WIPF2: variants seen among roughly 807,000 people sequenced by gnomAD.
The protein encoded by WIPF2 is WAS/WASL-interacting protein family member 2.
A neutral mutation model predicts 38.8 loss-of-function variants in WIPF2; 23 were observed. The ratio of observed to expected loss-of-function variants is 0.59; its 90% CI spans 0.43 to 0.84. The LOEUF (loss-of-function observed/expected upper bound fraction) is 0.84. Ranked by LOEUF, WIPF2 falls within the 40% of genes least tolerant of loss-of-function variation. The pLI, the probability that WIPF2 is intolerant of heterozygous loss-of-function variation, is 0.00. For synonymous variants in WIPF2, 210 were observed against 223.2 expected (o/e 0.94, Z 0.53); for missense variants, 574 against 580.5 (o/e 0.99, Z 0.11).
chr17:40,259,246 A>G (rs1159268769), intron 2 of WIPF2, among the ~76,000 whole-genome samples: 1 of 151,370 alleles, frequency 6.6e-6, no homozygotes, highest in Non-Finnish European at 1.5e-5. Context: ...GTGGTAGCAG[A>G]TGCAGCTGGA....
chr17:40,221,563 A>G (rs956665263), intron 1 of WIPF2, among the ~76,000 whole-genome samples: 4 of 151,430 alleles, frequency 2.6e-5, no homozygotes, highest in Non-Finnish European at 4.4e-5. Context: ...GCAATACCCC[A>G]TCTCTCTCTC....
intron 1 of WIPF2, among the ~76,000 whole-genome samples, chr17:40,233,605 C>T (rs747541678): frequency 2.6e-5 from 4 of 152,006 alleles, no homozygotes; most frequent in Non-Finnish European, 5.9e-5. Context: ...CACCGCTGCA[C>T]CTGGCTATAC....
intron 7 of WIPF2, among the ~76,000 whole-genome samples, chr17:40,277,489 A>G (rs997462203): frequency 6.6e-6 from 1 of 151,932 alleles, no homozygotes; most frequent in Non-Finnish European, 1.5e-5. Context: ...AGACCATCCT[A>G]GCTAACACGG....
At chr17:40,231,233 T>A (rs1181615907) in intron 1 of WIPF2, among the ~76,000 whole-genome samples, 1 of 152,128 alleles carries the variant, frequency 6.6e-6, no homozygotes, top group Non-Finnish European at 1.5e-5. Flanking sequence ...CACAGATTTG[T>A]TATTAGATTA....
chr17:40,270,882 TTG>T (rs373553389), intron 5 of WIPF2, among the ~76,000 whole-genome samples: 18 of 150,324 alleles, frequency 1.2e-4, no homozygotes, highest in South Asian at 2.1e-4. Flanking sequence ...TTGTGCCAGA[TTG>T]TGTGTGTGTG....
rs566828911 is a variant in WIPF2, at chr17:40,273,056, T to C, written c.971-734T>C. Among the ~76,000 whole-genome samples, 120 of 152,252 alleles carry C rather than the reference T, an allele frequency of 7.9e-4. 1 individual carries two copies. Among genetic ancestry groups the C allele is most frequent in the South Asian group, 5.4e-3 (26 of 4,824 alleles). On this transcript the variant is annotated intron_variant, in intron 5 of 7. Transcript: ENST00000323571. ...TTTTTACTTATTTATGTATTTGAGA[T>C]GGAGTCTCTCTCTGTTGCCCAGGCT...
In WIPF2 at chr17:40,260,581, G is replaced by A. The variant is rs1311231086; in HGVS notation, c.110G>A (p.Arg37Gln). Residue 37 changes from arginine (R) to glutamine (Q), a missense_variant, in exon 3 of 8, where the codon CGA becomes CAA. Arg to Gln is a conservative substitution (Grantham distance 43). Transcript: ENST00000323571. ...CTGAGTAGAGATGAGCAGCGGGGTC[G>A]AGGCGCCCTCTTACAGGACATTTGC... ...PKLSRDEQRG[R>Q]GALLQDICKG... 3.7e-6 allele frequency: 6 copies of A among 1,613,810 alleles called. No individual in the cohort carries two copies. Among genetic ancestry groups the A allele is most frequent in the East Asian group, 2.2e-5 (1 of 44,842 alleles).
At chr17:40,227,924 T>G (rs888546643) in intron 1 of WIPF2, among the ~76,000 whole-genome samples, 2 of 142,390 alleles carry the variant, frequency 1.4e-5, no homozygotes, top group South Asian at 4.3e-4. Context: ...ATATTTCTTG[T>G]TTTTTTTTTT....
chr17:40,238,151 C>G (rs1037973713), intron 1 of WIPF2, among the ~76,000 whole-genome samples: 2 of 151,904 alleles, frequency 1.3e-5, no homozygotes, highest in African/African-American at 4.8e-5. Context: ...GCCACCACCC[C>G]TGTCTCCAAG....
At position 40,278,313 on chromosome 17, in the gene WIPF2, G is replaced by C. The variant is rs2032470654; in HGVS notation, c.*88G>C. The C allele has an allele frequency of 6.7e-7, 1 of 1,486,976 alleles. No homozygotes were observed. The highest frequency in any genetic ancestry group is 1.9e-4 in the Middle Eastern group (1 of 5,374). The allele number at this position is 1,486,976 out of a possible 1,614,324, so 92.1% of individuals were successfully genotyped here. A position where few individuals can be genotyped will look rare whatever the true frequency, so the allele number is the denominator to read the frequency against. On this transcript the variant is annotated 3_prime_UTR_variant, in exon 8 of 8. Transcript: ENST00000323571. ...TTCCATTCCCCTGAAACCTGCATGAGAGCTCCTAACATGTTTCTCCAATGC... is the reference window on the plus strand; with the variant it reads ...TTCCATTCCCCTGAAACCTGCATGACAGCTCCTAACATGTTTCTCCAATGC...
intron 2 of WIPF2, among the ~76,000 whole-genome samples, chr17:40,256,929 G>A (rs2031746155): frequency 6.6e-6 from 1 of 152,116 alleles, no homozygotes. Context: ...ACTATTTGCT[G>A]TATAAAAGTT....
intron 3 of WIPF2, 44 bp downstream of exon 3, chr17:40,260,711 G>T: frequency 6.2e-7 from 1 of 1,613,010 alleles, no homozygotes; most frequent in Non-Finnish European, 8.5e-7. Context: ...AGGATCCCAG[G>T]AGTGACTTGG....
In WIPF2 at chr17:40,278,250, G is replaced by A. The variant is rs201372396; in HGVS notation, c.*25G>A. ...AAGCCTGGCTTGGTCCCGTTCCTCA[G>A]GAAAAGGATGGACCTTCTCTTCTTC... On this transcript the variant is annotated 3_prime_UTR_variant, in exon 8 of 8. Transcript: ENST00000323571. 546 of 1,612,288 alleles carry A rather than the reference G, an allele frequency of 3.4e-4. 1 individual carries two copies. The highest frequency in any genetic ancestry group is 2.8e-4 in the Admixed American group (17 of 59,744).
intron 4 of WIPF2, 88 bp from the exon 5 acceptor site, chr17:40,264,402 C>T: frequency 2.0e-6 from 2 of 1,005,878 alleles, no homozygotes; most frequent in Non-Finnish European, 1.6e-6. Flanking sequence ...TGCTGCCATG[C>T]AGGTTGCACT....
intron 1 of WIPF2, among the ~76,000 whole-genome samples, chr17:40,244,858 T>C (rs1050952367): frequency 6.6e-6 from 1 of 152,206 alleles, no homozygotes; most frequent in African/African-American, 2.4e-5. Context: ...GCTCTGCTCA[T>C]GGAGAGACTT....
At chr17:40,234,432 A>AAAAC (rs530530046) in intron 1 of WIPF2, among the ~76,000 whole-genome samples, 4 of 151,486 alleles carry the variant, frequency 2.6e-5, no homozygotes, top group African/African-American at 7.3e-5. Flanking sequence ...ACTCTGTCTC[A>AAAAC]AAACAAACAA....
At chr17:40,277,872 G>T (rs941888368) in intron 7 of WIPF2, among the ~76,000 whole-genome samples, 3 of 151,746 alleles carry the variant, frequency 2.0e-5, no homozygotes, top group Admixed American at 6.6e-5. Flanking sequence ...GATTATAGGC[G>T]TGTGCCACCA....
In WIPF2 at chr17:40,262,521, C is replaced by T. The variant is rs778530020; in HGVS notation, c.197-4C>T. On this transcript the variant is annotated splice_region_variant and splice_polypyrimidine_tract_variant and intron_variant, in intron 3 of 7. Coordinates refer to ENST00000323571, the MANE Select transcript of WIPF2 (RefSeq NM_133264.5). ...AATGAAAACCCTACTGGTATGCTTT[C>T]CAGAGCCGAAAGGAAGCAGTGGTGG... The T allele has an allele frequency of 1.9e-6, 3 of 1,613,124 alleles. No homozygotes were observed. The South Asian group carries it at 3.3e-5, about 18-fold the overall frequency.
chr17:40,280,107 T>A lies in WIPF2; in HGVS notation c.*1882T>A, dbSNP rs568577394. 1 of 152,284 alleles carries A rather than the reference T, an allele frequency of 6.6e-6. No homozygotes were observed. The highest frequency in any genetic ancestry group is 2.4e-5 in the African/African-American group (1 of 41,546). The allele number at this position is 152,284 out of a possible 1,614,324, so 9.4% of individuals were successfully genotyped here. On this transcript the variant is annotated 3_prime_UTR_variant, in exon 8 of 8. Transcript: ENST00000323571. ...CTGTCACCAAACTTTTCCTAATCATTTTTTATGTATCATTCTTCTTTCTAA... is the reference window on the plus strand; with the variant it reads ...CTGTCACCAAACTTTTCCTAATCATATTTTATGTATCATTCTTCTTTCTAA...
Sources: allele counts gnomAD v4.1 joint callset (sites outside exome capture counted in the v4.1 genomes callset), GRCh38; gene constraint gnomAD v4.1.1; transcripts MANE v1.5; gene names NCBI Gene and HGNC (gene_info 2026-07-23, HGNC 2026-07-21).